SYNE2: variants seen among roughly 807,000 people sequenced by gnomAD.
The protein encoded by SYNE2 is nesprin-2.
Under a neutral mutation model 856.3 loss-of-function variants are expected in SYNE2, and 431 were observed. The observed-to-expected ratio is 0.50, with a 90% CI of 0.47 to 0.55. The LOEUF (loss-of-function observed/expected upper bound fraction) is 0.55. SYNE2 is among the 20% of genes least tolerant of loss of function. The pLI, the probability that SYNE2 is intolerant of heterozygous loss-of-function variation, is 0.00. For missense variants in SYNE2, 8,129 were observed against 8,023.2 expected (o/e 1.01, Z -0.50); for synonymous variants, 2,923 against 2,872.3 (o/e 1.02, Z -0.56).
intron 1 of SYNE2, among the ~76,000 whole-genome samples, chr14:63,844,506 T>C (rs900150435): frequency 2.6e-5 from 4 of 152,248 alleles, no homozygotes; most frequent in African/African-American, 9.6e-5. Context: ...TGTGTGAATG[T>C]AAGTATTTAA....
intron 66 of SYNE2, among the ~76,000 whole-genome samples, chr14:64,118,541 A>G (rs769432652): frequency 2.0e-5 from 3 of 152,088 alleles, no homozygotes; most frequent in Non-Finnish European, 4.4e-5. Flanking sequence ...TTAAATTCCT[A>G]CTCCACACTT....
intron 46 of SYNE2, chr14:64,048,535 T>A (rs2097201717): frequency 5.9e-6 from 1 of 170,616 alleles, no homozygotes; most frequent in Non-Finnish European, 1.3e-5. Context: ...CATCTGTGTT[T>A]ACATAGTTAT....
At chr14:63,901,620 C>T (rs2095338061) in intron 1 of SYNE2, among the ~76,000 whole-genome samples, 1 of 152,154 alleles carries the variant, frequency 6.6e-6, no homozygotes, top group Admixed American at 6.6e-5. Flanking sequence ...AAGCAAACCA[C>T]AGTCATTTCA....
At chr14:64,107,675 T>C (rs2097780274) in intron 65 of SYNE2, 68 bp downstream of exon 65, 1 of 1,238,986 alleles carries the variant, frequency 8.1e-7, no homozygotes, top group Admixed American at 1.7e-5. Flanking sequence ...TGACCAGTGT[T>C]CTGTGTCCTG....
chr14:64,078,403 C>G (rs968303434), intron 54 of SYNE2, 63 bp from the exon 55 acceptor site: 16 of 1,604,586 alleles, frequency 1.0e-5, no homozygotes, highest in Non-Finnish European at 1.4e-5. Flanking sequence ...TTTTGTTGTT[C>G]GAACCTATGA....
At chr14:63,795,053 G>A (rs1887871116) in intron 1 of SYNE2, among the ~76,000 whole-genome samples, 1 of 152,172 alleles carries the variant, frequency 6.6e-6, no homozygotes, top group Non-Finnish European at 1.5e-5. Context: ...TCACAGCCAT[G>A]TGCCACCACA....
chr14:64,148,561 A>G (rs964318413), intron 84 of SYNE2, among the ~76,000 whole-genome samples: 4 of 151,962 alleles, frequency 2.6e-5, no homozygotes, highest in African/African-American at 9.7e-5. Context: ...GTTCTCCTCT[A>G]TGTTTGTCAG....
chr14:63,867,623 AGGAGGTGAAGGTTGCAGTAAGCCGAG>A (rs561991837), intron 1 of SYNE2, among the ~76,000 whole-genome samples: 1 of 152,242 alleles, frequency 6.6e-6, no homozygotes, highest in Admixed American at 6.5e-5. Context: ...GCTTGAACCC[AGGAGGTGAAGGTTGCAGTAAGCCGAG>A]GTCACACCAC....
At chr14:63,969,758 A>G (rs943534803) in intron 11 of SYNE2, among the ~76,000 whole-genome samples, 1 of 152,102 alleles carries the variant, frequency 6.6e-6, no homozygotes, top group Non-Finnish European at 1.5e-5. Flanking sequence ...TAATTAATAT[A>G]AGGTGGTTGA....
At chr14:64,044,202 A>G (rs1567139994) in intron 45 of SYNE2, among the ~76,000 whole-genome samples, 3 of 152,204 alleles carry the variant, frequency 2.0e-5, no homozygotes, top group Admixed American at 1.3e-4. Flanking sequence ...TTGCATCAGC[A>G]TGACCTAGAT....
rs117819718 is a variant in SYNE2 at position 63,875,789 on chromosome 14, A to T, written c.-52+22646A>T. 4.2e-4 allele frequency among the ~76,000 whole-genome samples: 64 copies of T among 152,286 alleles called. 1 individual carries two copies. In the East Asian group the frequency reaches 0.012, roughly 29 times the overall value. On this transcript the variant is annotated intron_variant, in intron 1 of 115. Transcript: ENST00000555002. Reference sequence around the variant, plus strand: ...TTGCTTTTTCTGTCTTTTGGCACGAATCTTAAGAGGTACATTTGAGGGACA... The same window carrying T: ...TTGCTTTTTCTGTCTTTTGGCACGATTCTTAAGAGGTACATTTGAGGGACA...
At position 64,028,288 on chromosome 14, in the gene SYNE2, C is replaced by G. The variant is rs115586058; in HGVS notation, c.6714+495C>G. Among the ~76,000 whole-genome samples, 595 of 152,104 alleles carry G rather than the reference C, an allele frequency of 3.9e-3. 5 individuals are homozygous for G. The highest frequency in any genetic ancestry group is 0.014 in the African/African-American group (574 of 41,476). ...ATTTATTTTTAGAGACAGTGTCTTT[C>G]TCTGTCACCCAAGCTAGAGTGCAGT... On this transcript the variant is annotated intron_variant, in intron 43 of 115. Transcript: ENST00000555002.
At chr14:63,954,641 A>G (rs762242596) in intron 7 of SYNE2, 78 bp from the exon 8 acceptor site, 2 of 1,326,102 alleles carry the variant, frequency 1.5e-6, no homozygotes, top group African/African-American at 2.9e-5. Flanking sequence ...CCAAATTTTA[A>G]TTACTATTGA....
rs11438519 is a variant in SYNE2, at chr14:63,876,249, C to CAA, written c.-52+23122_-52+23123dup. 5.9e-3 allele frequency among the ~76,000 whole-genome samples: 689 copies of CAA among 117,620 alleles called. 8 individuals carry two copies. Among genetic ancestry groups the CAA allele is most frequent in the Middle Eastern group, 0.036 (8 of 224 alleles). The allele number at this position is 117,620 out of a possible 152,430, so 77.2% of individuals were successfully genotyped here. ...GCAACACAGCGAGACTCTATCTCTA[C>CAA]AAAAAAAAAAAAAAAAAGTTAGCGG... On this transcript the variant is annotated intron_variant, in intron 1 of 115. Coordinates refer to ENST00000555002, the MANE Select transcript of SYNE2 (RefSeq NM_182914.3).
chr14:64,141,556 C>G, intron 81 of SYNE2, 33 bp downstream of exon 81: 1 of 1,597,248 alleles, frequency 6.3e-7, no homozygotes, highest in Non-Finnish European at 8.6e-7. Context: ...TTTGAATTAG[C>G]ATTCACTTGT....
chr14:63,998,802 A>G (rs1199320848), intron 26 of SYNE2, 112 bp from the exon 27 acceptor site: 11 of 1,206,906 alleles, frequency 9.1e-6, no homozygotes, highest in African/African-American at 7.5e-5. Context: ...ACCTCAGGCA[A>G]TCCACCCGCC....
chr14:63,868,439 C>A (rs1288034062), intron 1 of SYNE2, among the ~76,000 whole-genome samples: 1 of 150,948 alleles, frequency 6.6e-6, no homozygotes, highest in Non-Finnish European at 1.5e-5. Context: ...CATGCCACTG[C>A]ACTCGAGCCT....
At chr14:64,098,946 A>G (rs2097699191) in intron 63 of SYNE2, 125 bp downstream of exon 63, 2 of 942,206 alleles carry the variant, frequency 2.1e-6, no homozygotes, top group East Asian at 2.7e-5. Context: ...TTTTAAAAGT[A>G]TGATTGAAGT....
intron 96 of SYNE2, among the ~76,000 whole-genome samples, chr14:64,186,106 T>G (rs555913386): frequency 5.3e-5 from 8 of 152,268 alleles, no homozygotes; most frequent in African/African-American, 1.9e-4. Context: ...TGTGTAAAGA[T>G]TATTAGACTC....
Sources: allele counts gnomAD v4.1 joint callset (sites outside exome capture counted in the v4.1 genomes callset), GRCh38; gene constraint gnomAD v4.1.1; transcripts MANE v1.5; gene names NCBI Gene and HGNC (gene_info 2026-07-23, HGNC 2026-07-21).